CRYBA4: variants seen among roughly 807,000 people sequenced by gnomAD.
CRYBA4 encodes beta-crystallin A4.
Under a neutral mutation model 31.7 loss-of-function variants are expected in CRYBA4, and 30 were observed. The observed-to-expected ratio is 0.95, with a 90% CI of 0.71 to 1.28. CRYBA4 has a LOEUF of 1.28. Among genes scored for constraint, CRYBA4 ranks in the 50% most tolerant of loss-of-function variants. CRYBA4 has a pLI of 0.00. For missense variants in CRYBA4, 225 were observed against 260.7 expected, an observed-to-expected ratio of 0.86 and a Z score of 0.94; for synonymous variants, 102 against 102.3, an observed-to-expected ratio of 1.00 and a Z score of 0.02.
chr22:26,612,245 C>A, the CRYBA4 span: 1 of 1,154,532 alleles, frequency 8.7e-7, no homozygotes, highest in South Asian at 1.2e-5. Context: ...GTCAAAAATT[C>A]ATTAAGTATC....
the CRYBA4 span, among the ~76,000 whole-genome samples, chr22:26,598,686 T>G: frequency 1.3e-5 from 2 of 152,172 alleles, no homozygotes; most frequent in Non-Finnish European, 2.9e-5. Flanking sequence ...GCCCAGCCTG[T>G]GTGATTGCTT....
At chr22:26,616,601 C>G in the CRYBA4 span, among the ~76,000 whole-genome samples, 3 of 152,214 alleles carry the variant, frequency 2.0e-5, no homozygotes, top group Admixed American at 2.0e-4. Flanking sequence ...TCCATTACCC[C>G]GCTAGGTCCT....
chr22:26,599,594 A>G, the CRYBA4 span: 4 of 1,614,072 alleles, frequency 2.5e-6, no homozygotes, highest in Non-Finnish European at 3.4e-6. Context: ...AAGGCTCCCC[A>G]CTCATTCCAG....
chr22:26,612,010 C>A, the CRYBA4 span: 1 of 1,216,414 alleles, frequency 8.2e-7, no homozygotes, highest in Non-Finnish European at 1.2e-6. Flanking sequence ...GAAATGGCAG[C>A]TACTGTTGTG....
At chr22:26,612,087 A>G in the CRYBA4 span, 14 of 1,613,014 alleles carry the variant, frequency 8.7e-6, no homozygotes, top group African/African-American at 1.1e-4. Flanking sequence ...CGCGGAGACA[A>G]TGATGCTGCG....
chr22:26,597,505 G>A, the CRYBA4 span, among the ~76,000 whole-genome samples: 1 of 152,206 alleles, frequency 6.6e-6, no homozygotes, highest in East Asian at 1.9e-4. Context: ...GGACACTGCT[G>A]TTTGCTCTGC....
chr22:26,608,653 T>A, the CRYBA4 span, among the ~76,000 whole-genome samples: 1 of 152,196 alleles, frequency 6.6e-6, no homozygotes, highest in Non-Finnish European at 1.5e-5. Flanking sequence ...TAAAATGTGT[T>A]TATTTGTGGT....
At chr22:26,611,753 C>T in the CRYBA4 span, among the ~76,000 whole-genome samples, 6 of 152,142 alleles carry the variant, frequency 3.9e-5, no homozygotes, top group Admixed American at 3.9e-4. Context: ...GGATTACAGG[C>T]GTGAGCCACC....
the CRYBA4 span, among the ~76,000 whole-genome samples, chr22:26,594,475 A>C: frequency 6.6e-6 from 1 of 152,208 alleles, no homozygotes; most frequent in African/African-American, 2.4e-5. Flanking sequence ...CTCATAATCA[A>C]GATGCTTTGC....
chr22:26,624,388 T>C, intron 3 of CRYBA4, among the ~76,000 whole-genome samples: 1 of 152,064 alleles, frequency 6.6e-6, no homozygotes, highest in Non-Finnish European at 1.5e-5. Context: ...GCTACCATAT[T>C]GGATAGAAGG....
chr22:26,607,561 A>AG, the CRYBA4 span, among the ~76,000 whole-genome samples: 2 of 23,784 alleles, frequency 8.4e-5, no homozygotes, highest in Non-Finnish European at 2.0e-4. Context: ...CATCTTTGGG[A>AG]AAAAAAAAAA....
chr22:26,610,425 G>C, the CRYBA4 span, among the ~76,000 whole-genome samples: 4 of 152,042 alleles, frequency 2.6e-5, no homozygotes, highest in African/African-American at 9.7e-5. Flanking sequence ...CATCAGGCAC[G>C]GCTCCAAGGC....
chr22:26,601,897 A>C, the CRYBA4 span: 1 of 1,612,170 alleles, frequency 6.2e-7, no homozygotes, highest in Non-Finnish European at 8.5e-7. Flanking sequence ...GGAGACCTTC[A>C]CGCTGCCCAC....
chr22:26,594,547 A>G, the CRYBA4 span, among the ~76,000 whole-genome samples: 1 of 152,180 alleles, frequency 6.6e-6, no homozygotes, highest in Non-Finnish European at 1.5e-5. Flanking sequence ...TTGAAACAAT[A>G]TGAAGTCCCC....
chr22:26,623,089 A>G (rs1052944094), intron 2 of CRYBA4, 145 bp from the exon 3 acceptor site: 3 of 754,890 alleles, frequency 4.0e-6, no homozygotes, highest in Admixed American at 1.8e-5. Context: ...TCTCACATTT[A>G]TCACTGCTCT....
the CRYBA4 span, chr22:26,599,272 A>G: frequency 1.7e-6 from 1 of 579,744 alleles, no homozygotes; most frequent in Non-Finnish European, 3.1e-6. Context: ...CATAACAGGC[A>G]GAAAGAACTT....
chr22:26,607,774 G>A, the CRYBA4 span: 2 of 1,432,030 alleles, frequency 1.4e-6, no homozygotes, highest in Non-Finnish European at 9.7e-7. Flanking sequence ...CAACTCGGAG[G>A]CTGCCACGCC....
At chr22:26,611,837 C>A in the CRYBA4 span, among the ~76,000 whole-genome samples, 1 of 152,114 alleles carries the variant, frequency 6.6e-6, no homozygotes, top group Non-Finnish European at 1.5e-5. Context: ...TGGCTTACTG[C>A]CAGTGTGATC....
intron 2 of CRYBA4, 96 bp from the exon 3 acceptor site, chr22:26,623,138 C>A (rs1479796708): frequency 9.7e-7 from 1 of 1,026,164 alleles, no homozygotes; most frequent in East Asian, 2.4e-5. Context: ...GTTTGCAATC[C>A]CTGCTTTACC....
Sources: gnomAD v4.1 joint callset for allele counts (sites outside exome capture counted in the v4.1 genomes callset) on GRCh38, gnomAD v4.1.1 for gene constraint, MANE v1.5 for transcripts, NCBI Gene and HGNC (gene_info 2026-07-23, HGNC 2026-07-21) for gene names.